The following CERKL variants were observed in gnomAD, a reference collection of about 807,000 sequenced individuals.
CERKL encodes ceramide kinase-like protein.
In CERKL, 61 loss-of-function variants were observed where a neutral mutation model predicts 63.4. That is an observed-to-expected ratio of 0.96 (90% CI 0.78 to 1.19). The LOEUF is 1.19. CERKL is among the 50% of genes most tolerant of loss of function. The pLI, the probability that CERKL is intolerant of heterozygous loss-of-function variation, is 0.00. For synonymous variants in CERKL, 250 were observed against 230.5 expected (o/e 1.08, Z -0.77); for missense variants, 675 against 655.5 (o/e 1.03, Z -0.33).
In CERKL at chr2:181,590,092, G is replaced by A. The variant is rs926638313; in HGVS notation, c.481+13745C>T. On this transcript the variant is annotated intron_variant, in intron 2 of 12. Transcript: ENST00000410087. ...CCACCTTGACCTCCCATAGTGCTGA[G>A]ATTACAGGAATGAGCCACTGCACCT... 2.0e-5 allele frequency among the ~76,000 whole-genome samples: 3 copies of A among 151,824 alleles called. No homozygotes were observed. The South Asian group carries it at 6.3e-4, about 32-fold the overall frequency.
intron 3 of CERKL, among the ~76,000 whole-genome samples, chr2:181,570,786 G>GTA (rs1688869942): frequency 6.6e-6 from 1 of 152,104 alleles, no homozygotes; most frequent in African/African-American, 2.4e-5. Flanking sequence ...ACCTTATAGT[G>GTA]TATATATCTA....
chr2:181,643,242 G>C (rs200241284), intron 1 of CERKL, among the ~76,000 whole-genome samples: 2 of 152,176 alleles, frequency 1.3e-5, no homozygotes, highest in Non-Finnish European at 2.9e-5. Flanking sequence ...ATAGTACTTA[G>C]AGACAATATA....
intron 2 of CERKL, among the ~76,000 whole-genome samples, chr2:181,575,269 G>A (rs114852682): frequency 6.6e-6 from 1 of 152,260 alleles, no homozygotes; most frequent in African/African-American, 2.4e-5. Flanking sequence ...TGAAGAGCGA[G>A]CCCAAACCCC....
At chr2:181,585,855 C>T (rs540398381) in intron 2 of CERKL, among the ~76,000 whole-genome samples, 2 of 152,200 alleles carry the variant, frequency 1.3e-5, no homozygotes, top group East Asian at 1.9e-4. Context: ...AGCAGCAGCC[C>T]GTATGACACT....
intron 2 of CERKL, among the ~76,000 whole-genome samples, chr2:181,576,662 TA>T (rs1485616080): frequency 6.6e-6 from 1 of 152,170 alleles, no homozygotes; most frequent in Non-Finnish European, 1.5e-5. Flanking sequence ...GGAAAGTAGA[TA>T]AAGTAGGGCC....
rs762736738 is a variant in CERKL, at chr2:181,548,844, C to T, written c.909G>A (p.Leu303=). The T allele has an allele frequency of 2.5e-6, 4 of 1,613,854 alleles. No homozygotes were observed. The highest frequency in any genetic ancestry group is 3.4e-6 in the Non-Finnish European group (4 of 1,179,864). ...CGGTGCTGAAGGTGCAGACGTCGAC[C>T]AGCTGTACATGCCCTTGAATATTAC... is the stretch of plus-strand genomic sequence containing the variant. ...TLHIIMGHVQ[L]VDVCTFSTAG... Residue 303 remains leucine, a synonymous_variant, in exon 7 of 13, where the codon CTG becomes CTA. Transcript: ENST00000410087.
chr2:181,631,836 A>T lies in CERKL; in HGVS notation c.238+24933T>A, dbSNP rs1181691476. 1.2e-4 allele frequency among the ~76,000 whole-genome samples: 18 copies of T among 152,186 alleles called. 1 individual carries two copies. The highest frequency in any genetic ancestry group is 1.2e-3 in the Admixed American group (18 of 15,262). On this transcript the variant is annotated intron_variant, in intron 1 of 12. Transcript: ENST00000410087. ...ATTCTGAGTTTCTCTAAAGGTAACCAAGCTGGGCTGTCACATTTTGCTTTT... is the reference window on the plus strand; with the variant it reads ...ATTCTGAGTTTCTCTAAAGGTAACCTAGCTGGGCTGTCACATTTTGCTTTT...
intron 4 of CERKL, among the ~76,000 whole-genome samples, chr2:181,561,998 G>A (rs1165738362): frequency 2.0e-5 from 3 of 151,928 alleles, no homozygotes; most frequent in African/African-American, 7.3e-5. Context: ...ATTTTTACTA[G>A]AGATGGGGTT....
chr2:181,635,954 G>A (rs1424451183), intron 1 of CERKL, among the ~76,000 whole-genome samples: 1 of 152,000 alleles, frequency 6.6e-6, no homozygotes, highest in Non-Finnish European at 1.5e-5. Context: ...AAAATAGAGC[G>A]CTTTAAACTA....
rs1015197805 is a variant in CERKL, at chr2:181,537,575, G to C, written c.*609C>G. 2.3e-6 allele frequency: 1 copy of C among 432,056 alleles called. No individual in the cohort carries two copies. The highest frequency in any genetic ancestry group is 4.6e-6 in the Non-Finnish European group (1 of 216,964). The allele number at this position is 432,056 out of a possible 1,614,324, so 26.8% of individuals were successfully genotyped here. A position where few individuals can be genotyped will look rare whatever the true frequency, so the allele number is the denominator to read the frequency against. On this transcript the variant is annotated 3_prime_UTR_variant, in exon 13 of 13. Coordinates refer to ENST00000410087, the MANE Select transcript of CERKL (RefSeq NM_201548.5). ...GAGCAGTGAATCAAGGCAGACTTAT[G>C]AAATCTGTATTATATTTGTAACAGA...
chr2:181,537,927 A>G lies in CERKL; in HGVS notation c.*257T>C, dbSNP rs1559065172. On this transcript the variant is annotated 3_prime_UTR_variant, in exon 13 of 13. Coordinates refer to ENST00000410087, the MANE Select transcript of CERKL (RefSeq NM_201548.5). The stretch of plus-strand genomic sequence containing the variant: ...CTCCCCCTGTCAGATCAGCAGCAGC[A>G]TTAGATTCTCATAGAAGTGCGAACC... 1 of 596,464 alleles carries G rather than the reference A, an allele frequency of 1.7e-6. No individual in the cohort carries two copies. The highest frequency in any genetic ancestry group is 3.2e-6 in the Non-Finnish European group (1 of 316,824). The allele number at this position is 596,464 out of a possible 1,614,324, so 36.9% of individuals were successfully genotyped here.
At position 181,537,710 on chromosome 2, in the gene CERKL, G is replaced by A; in HGVS notation, c.*474C>T. The stretch of plus-strand genomic sequence containing the variant: ...ATTGATGTATTATGATGGTTGCAAA[G>A]TTTTTTTGTGTGTCCAATAAACACA... On this transcript the variant is annotated 3_prime_UTR_variant, in exon 13 of 13. Coordinates refer to ENST00000410087, the MANE Select transcript of CERKL (RefSeq NM_201548.5). 2 of 426,692 alleles carry A rather than the reference G, an allele frequency of 4.7e-6. No individual in the cohort carries two copies. Among genetic ancestry groups the A allele is most frequent in the South Asian group, 3.4e-5 (2 of 59,228 alleles). 26.4% of individuals were successfully genotyped at this position (426,692 alleles called of 1,614,324 possible). A position where few individuals can be genotyped will look rare whatever the true frequency, so the allele number is the denominator to read the frequency against.
chr2:181,598,756 AT>A (rs1241832378), intron 2 of CERKL, among the ~76,000 whole-genome samples: 1 of 152,158 alleles, frequency 6.6e-6, no homozygotes, highest in African/African-American at 2.4e-5. Flanking sequence ...AATAAGCAGC[AT>A]TTAAGAAAGC....
In CERKL at chr2:181,594,363, G is replaced by A. The variant is rs192043300; in HGVS notation, c.481+9474C>T. ...GAACATATAAAAGAGTAAGTGCCTG[G>A]TTTGCTCAGGTACAGTTAGTTTTGC... On this transcript the variant is annotated intron_variant, in intron 2 of 12. Transcript: ENST00000410087. Among the ~76,000 whole-genome samples, 601 of 152,278 alleles carry A rather than the reference G, an allele frequency of 3.9e-3. 8 individuals carry two copies. Among genetic ancestry groups the A allele is most frequent in the African/African-American group, 0.013 (524 of 41,564 alleles).
At chr2:181,654,176 C>T (rs181741957) in intron 1 of CERKL, among the ~76,000 whole-genome samples, 1 of 150,554 alleles carries the variant, frequency 6.6e-6, no homozygotes, top group Non-Finnish European at 1.5e-5. Flanking sequence ...AAAAAAAAAT[C>T]CCCAAAAAGC....
At chr2:181,551,434 T>A (rs1167578844) in intron 5 of CERKL, among the ~76,000 whole-genome samples, 1 of 151,770 alleles carries the variant, frequency 6.6e-6, no homozygotes, top group Non-Finnish European at 1.5e-5. Context: ...AGGTCTAACA[T>A]CCAGAATCTA....
intron 1 of CERKL, among the ~76,000 whole-genome samples, chr2:181,628,567 T>C (rs1276603122): frequency 6.6e-6 from 1 of 152,170 alleles, no homozygotes; most frequent in Non-Finnish European, 1.5e-5. Flanking sequence ...ATACACATAT[T>C]AGGATTTGGA....
chr2:181,552,202 G>A (rs1020967292), intron 5 of CERKL, among the ~76,000 whole-genome samples: 5 of 152,108 alleles, frequency 3.3e-5, no homozygotes, highest in Non-Finnish European at 7.4e-5. Context: ...CAGGTAAAAG[G>A]AATAAATTCA....
chr2:181,561,883 A>G (rs933845209), intron 4 of CERKL, among the ~76,000 whole-genome samples: 1 of 152,110 alleles, frequency 6.6e-6, no homozygotes, highest in South Asian at 2.1e-4. Context: ...GTGTGATCTC[A>G]GCTCACTGCA....
Sources: gnomAD v4.1 joint callset for allele counts (sites outside exome capture counted in the v4.1 genomes callset) on GRCh38, gnomAD v4.1.1 for gene constraint, MANE v1.5 for transcripts, NCBI Gene and HGNC (gene_info 2026-07-23, HGNC 2026-07-21) for gene names.